ISCU: variants seen among roughly 807,000 people sequenced by gnomAD.
The protein encoded by ISCU is iron-sulfur cluster assembly enzyme ISCU.
Under a neutral mutation model 18.4 loss-of-function variants are expected in ISCU, and 13 were observed. The observed-to-expected ratio is 0.71, with a 90% CI of 0.46 to 1.12. The LOEUF (loss-of-function observed/expected upper bound fraction) is 1.12, where lower values mean the gene tolerates loss of function less well. ISCU is among the 50% of genes most tolerant of loss of function. The pLI, the probability that ISCU is intolerant of heterozygous loss-of-function variation, is 0.00. For missense variants in ISCU, 229 were observed against 208.7 expected (o/e 1.10, Z -0.60); for synonymous variants, 104 against 87.5 (o/e 1.19, Z -1.06).
chr12:108,562,446 GC>G (rs889844610), upstream of ISCU: 2 of 437,158 alleles, frequency 4.6e-6, no homozygotes, highest in South Asian at 1.0e-4. Flanking sequence ...GACCCCGCCC[GC>G]CCCCGAGAGG....
chr12:108,565,744 G>A (rs2030868502), intron 3 of ISCU, among the ~76,000 whole-genome samples: 1 of 152,164 alleles, frequency 6.6e-6, no homozygotes, highest in Non-Finnish European at 1.5e-5. Flanking sequence ...AAGTCAGAGA[G>A]TTGTTATAAG....
At chr12:108,562,477 G>A, upstream of ISCU, 1 of 467,186 alleles carries the variant, frequency 2.1e-6, no homozygotes, top group South Asian at 4.5e-5. Flanking sequence ...GGCGGGGCCA[G>A]AAGGCGGACG....
chr12:108,563,825 A>G (rs919118253), intron 1 of ISCU: 7 of 527,244 alleles, frequency 1.3e-5, no homozygotes, highest in Non-Finnish European at 2.4e-5. Flanking sequence ...ATTCCATAGC[A>G]TTGTTCCCTG....
chr12:108,566,957 C>T (rs1423032758), intron 3 of ISCU, among the ~76,000 whole-genome samples: 1 of 152,226 alleles, frequency 6.6e-6, no homozygotes, highest in Non-Finnish European at 1.5e-5. Flanking sequence ...AGTGTCTGGG[C>T]TGTCTTTGCT....
intron 1 of ISCU, 122 bp downstream of exon 1, chr12:108,562,858 T>A: frequency 2.1e-6 from 1 of 477,558 alleles, no homozygotes; most frequent in Non-Finnish European, 3.5e-6. Flanking sequence ...TTGCCCTGAC[T>A]CGCTTTCCCT....
intron 1 of ISCU, chr12:108,563,335 G>A (rs1205378295): frequency 6.5e-6 from 1 of 152,728 alleles, no homozygotes; most frequent in African/African-American, 2.4e-5. Flanking sequence ...GGGAAGGAGG[G>A]ATAGATTCAT....
chr12:108,565,276 A>C, intron 2 of ISCU, 45 bp from the exon 3 acceptor site: 1 of 1,410,510 alleles, frequency 7.1e-7, no homozygotes, highest in Non-Finnish European at 1.0e-6. Flanking sequence ...CAGGTTCCAG[A>C]GGGTGGTCCC....
In ISCU at chr12:108,568,935, C is replaced by A. The variant is rs776207338; in HGVS notation, c.*19C>A. 1 of 1,598,016 alleles carries A rather than the reference C, an allele frequency of 6.3e-7. No homozygotes were observed. On this transcript the variant is annotated 3_prime_UTR_variant, in exon 5 of 5. Coordinates refer to ENST00000311893, the MANE Select transcript of ISCU (RefSeq NM_213595.4). ...GAAATGAGCCCTCCCTCGGCGAAGCCTCCAGCAGGCCACACCAGCTGTTTC... is the reference window on the plus strand; with the variant it reads ...GAAATGAGCCCTCCCTCGGCGAAGCATCCAGCAGGCCACACCAGCTGTTTC...
chr12:108,561,477 C>T (rs2030559033), upstream of ISCU: 3 of 311,354 alleles, frequency 9.6e-6, no homozygotes, highest in African/African-American at 2.1e-5. Flanking sequence ...AAGAATTTGG[C>T]GCCATCTTGA....
Position 108,564,395 on chromosome 12 carries a change from A to G in ISCU, c.228+3A>G, listed in dbSNP as rs1343811119. On this transcript the variant is annotated splice_donor_region_variant and intron_variant, in intron 2 of 4. Coordinates refer to ENST00000311893, the MANE Select transcript of ISCU (RefSeq NM_213595.4). ...GTGGTGACGTAATGAAATTACAGGT[A>G]TGGCTAGTCTTTTTTAATAGTGATA... 6.3e-7 allele frequency: 1 copy of G among 1,588,718 alleles called. No homozygotes were observed. The highest frequency in any genetic ancestry group is 1.7e-4 in the Middle Eastern group (1 of 6,014).
intron 4 of ISCU, 140 bp downstream of exon 4, chr12:108,567,408 C>T: frequency 1.3e-6 from 1 of 794,104 alleles, no homozygotes. Flanking sequence ...TTATAACCTG[C>T]AGAGGGTTAG....
chr12:108,562,850 G>T, intron 1 of ISCU, 114 bp downstream of exon 1: 1 of 493,684 alleles, frequency 2.0e-6, no homozygotes, highest in Non-Finnish European at 3.4e-6. Flanking sequence ...CCACGTCTTT[G>T]CCCTGACTCG....
At chr12:108,567,323 T>G in intron 4 of ISCU, 55 bp downstream of exon 4, 1 of 1,437,256 alleles carries the variant, frequency 7.0e-7, no homozygotes, top group Non-Finnish European at 9.8e-7. Context: ...TAATTTCAAC[T>G]TGGTTTGCAA....
At chr12:108,568,531 G>A (rs1254314515) in intron 4 of ISCU, 2 of 1,276,332 alleles carry the variant, frequency 1.6e-6, no homozygotes, top group Non-Finnish European at 2.0e-6. Context: ...ACACTATCCT[G>A]GCAAGAAAAG....
intron 4 of ISCU, 166 bp downstream of exon 4, chr12:108,567,434 A>ACATTCATCCCTAAGAGAATCATGC: frequency 1.4e-6 from 1 of 739,214 alleles, no homozygotes; most frequent in Non-Finnish European, 2.4e-6. Flanking sequence ...CCATGGTCTC[A>ACATTCATCCCTAAGAGAATCATGC]CATTCATCCC....
At position 108,563,544 on chromosome 12, in the gene ISCU, AC is replaced by A. The variant is rs1313693610; in HGVS notation, c.115-734del. ...AGGGGACTGGAAGATCGGCGTGCTT[AC>A]TACTAACCAGTAACCAAACCTCAAG... is the stretch of plus-strand genomic sequence containing the variant. On this transcript the variant is annotated intron_variant, in intron 1 of 4. Coordinates refer to ENST00000311893, the MANE Select transcript of ISCU (RefSeq NM_213595.4). The A allele has an allele frequency of 1.2e-4, 20 of 173,668 alleles. 1 individual carries two copies. The South Asian group carries it at 2.0e-3, about 17-fold the overall frequency. The allele number at this position is 173,668 out of a possible 1,614,324, so 10.8% of individuals were successfully genotyped here. A position where few individuals can be genotyped will look rare whatever the true frequency, so the allele number is the denominator to read the frequency against.
Position 108,565,236 on chromosome 12 carries a change from G to A in ISCU, c.229-85G>A, listed in dbSNP as rs925035258. 28 of 941,960 alleles carry A rather than the reference G, an allele frequency of 3.0e-5. No homozygotes were observed. The Admixed American group carries it at 4.6e-4, about 16-fold the overall frequency. The allele number at this position is 941,960 out of a possible 1,614,324, so 58.4% of individuals were successfully genotyped here. On this transcript the variant is annotated intron_variant, in intron 2 of 4. Coordinates refer to ENST00000311893, the MANE Select transcript of ISCU (RefSeq NM_213595.4). ...GTGGAAAGCAAGCCCAAAGCCCTTG[G>A]GGAAGGCCCTGGTGAACCTTCGTGA...
chr12:108,567,852 A>G (rs1045841187), intron 4 of ISCU: 1 of 1,478,692 alleles, frequency 6.8e-7, no homozygotes, highest in Non-Finnish European at 9.1e-7. Context: ...TAAGACTTGT[A>G]CTTGGCTTTC....
At chr12:108,561,479 C>A (rs1866313413), upstream of ISCU, 1 of 312,168 alleles carries the variant, frequency 3.2e-6, no homozygotes, top group South Asian at 4.6e-5. Context: ...GAATTTGGCG[C>A]CATCTTGAGA....
Sources: gnomAD v4.1 joint callset for allele counts (sites outside exome capture counted in the v4.1 genomes callset) on GRCh38, gnomAD v4.1.1 for gene constraint, MANE v1.5 for transcripts, NCBI Gene and HGNC (gene_info 2026-07-23, HGNC 2026-07-21) for gene names.